MARCHF1: variants seen among roughly 807,000 people sequenced by gnomAD.
MARCHF1 encodes membrane associated ring-CH-type finger 1, also known as E3 ubiquitin-protein ligase MARCHF1.
A neutral mutation model predicts 54.2 loss-of-function variants in MARCHF1; 40 were observed. The observed-to-expected ratio is 0.74, with a 90% CI of 0.57 to 0.96. MARCHF1 has a LOEUF of 0.96. MARCHF1 is among the 40% of genes least tolerant of loss of function. The pLI, the probability that MARCHF1 is intolerant of heterozygous loss-of-function variation, is 0.00. For synonymous variants in MARCHF1, 236 were observed against 236.3 expected, an observed-to-expected ratio of 1.00 and a Z score of 0.01; for missense variants, 586 against 656.5, an observed-to-expected ratio of 0.89 and a Z score of 1.17.
At position 164,199,671 on chromosome 4, in the gene MARCHF1, CACACACACACAG is replaced by C. The variant is rs1196924485; in HGVS notation, c.-322-88021_-322-88010del. 2.6e-3 allele frequency among the ~76,000 whole-genome samples: 150 copies of C among 56,724 alleles called. 1 individual carries two copies. Among genetic ancestry groups the C allele is most frequent in the African/African-American group, 0.013 (138 of 10,568 alleles). The allele number at this position is 56,724 out of a possible 152,430, so 37.2% of individuals were successfully genotyped here. A position where few individuals can be genotyped will look rare whatever the true frequency, so the allele number is the denominator to read the frequency against. ...ACACACACACACACACACACACACA[CACACACACACAG>C]AGAGAGAGAGAGAGAGAGAGAGAGA... On this transcript the variant is annotated intron_variant, in intron 1 of 9. Transcript: ENST00000514618.
At chr4:164,196,969 T>G in intron 1 of MARCHF1, 1 of 1,601,616 alleles carries the variant, frequency 6.2e-7, no homozygotes, top group Non-Finnish European at 8.5e-7. Context: ...AATAGGTTAT[T>G]CTACTTAGTC....
At chr4:163,885,756 T>G (rs1279662211) in intron 3 of MARCHF1, among the ~76,000 whole-genome samples, 1 of 151,916 alleles carries the variant, frequency 6.6e-6, no homozygotes, top group Non-Finnish European at 1.5e-5. Flanking sequence ...TGGCTTATTA[T>G]ATGTAATTAT....
intron 4 of MARCHF1, among the ~76,000 whole-genome samples, chr4:163,713,034 T>C (rs1282641493): frequency 2.0e-5 from 3 of 152,158 alleles, no homozygotes; most frequent in African/African-American, 7.2e-5. Context: ...TAGCTTCGAC[T>C]CATCTCCTTT....
At chr4:163,536,962 AG>A (rs1210414442) in intron 9 of MARCHF1, among the ~76,000 whole-genome samples, 1 of 152,176 alleles carries the variant, frequency 6.6e-6, no homozygotes, top group African/African-American at 2.4e-5. Context: ...AAGCCATCTG[AG>A]TACAAACTTA....
At chr4:163,765,187 T>A (rs1273923764) in intron 4 of MARCHF1, among the ~76,000 whole-genome samples, 1 of 152,112 alleles carries the variant, frequency 6.6e-6, no homozygotes, top group Non-Finnish European at 1.5e-5. Context: ...GTTTCATTGA[T>A]TGTTAGAATT....
chr4:163,901,957 C>T (rs1366707761), intron 3 of MARCHF1, among the ~76,000 whole-genome samples: 1 of 152,128 alleles, frequency 6.6e-6, no homozygotes, highest in Non-Finnish European at 1.5e-5. Context: ...AATTATACCA[C>T]AGCATTTAAG....
chr4:164,347,282 T>G (rs112282819), intron 1 of MARCHF1, among the ~76,000 whole-genome samples: 1 of 152,174 alleles, frequency 6.6e-6, no homozygotes, highest in Non-Finnish European at 1.5e-5. Context: ...TTGTCAGAGG[T>G]GCCAGATTTT....
At chr4:164,315,358 T>C (rs1260076836) in intron 1 of MARCHF1, among the ~76,000 whole-genome samples, 2 of 152,106 alleles carry the variant, frequency 1.3e-5, no homozygotes, top group Middle Eastern at 3.4e-3. Flanking sequence ...CAAACCACTA[T>C]GGAAACACGG....
At chr4:163,974,900 A>T (rs1367105095) in intron 3 of MARCHF1, among the ~76,000 whole-genome samples, 1 of 152,214 alleles carries the variant, frequency 6.6e-6, no homozygotes, top group Non-Finnish European at 1.5e-5. Flanking sequence ...CACTTCACTA[A>T]TATGAGTGGC....
At chr4:163,798,925 G>A (rs56347722) in intron 4 of MARCHF1, among the ~76,000 whole-genome samples, 5,779 of 152,008 alleles carry the variant, frequency 0.038, 161 homozygotes, top group South Asian at 0.074. Flanking sequence ...GCGCATGCCC[G>A]GCACTGTCCA....
chr4:164,017,328 A>G (rs1177477897), intron 2 of MARCHF1, among the ~76,000 whole-genome samples: 1 of 152,122 alleles, frequency 6.6e-6, no homozygotes, highest in Admixed American at 6.5e-5. Flanking sequence ...AAGGCAAGAA[A>G]GGAAGTAAAA....
In MARCHF1 at chr4:164,349,233, T is replaced by C. The variant is rs557146237; in HGVS notation, c.-323+34637A>G. Among the ~76,000 whole-genome samples, 4 of 152,268 alleles carry C rather than the reference T, an allele frequency of 2.6e-5. No individual in the cohort carries two copies. The South Asian group carries it at 8.3e-4, about 32-fold the overall frequency. ...GTATATCCTCTTAAAACGACACAAA[T>C]GAATTGAAAGTTAATTCTACTTCTC... On this transcript the variant is annotated intron_variant, in intron 1 of 9. Transcript: ENST00000514618.
intron 5 of MARCHF1, among the ~76,000 whole-genome samples, chr4:163,662,058 G>T (rs1743361872): frequency 6.6e-6 from 1 of 151,974 alleles, no homozygotes; most frequent in South Asian, 2.1e-4. Flanking sequence ...TTGATTCTTG[G>T]AATAAAATCT....
intron 1 of MARCHF1, among the ~76,000 whole-genome samples, chr4:164,191,606 TAATC>T (rs1316410696): frequency 1.3e-5 from 2 of 152,208 alleles, no homozygotes; most frequent in African/African-American, 4.8e-5. Flanking sequence ...ATTATGGCGT[TAATC>T]AAGTTTGTAC....
chr4:163,808,181 C>A (rs1195775323), intron 4 of MARCHF1, among the ~76,000 whole-genome samples: 1 of 152,196 alleles, frequency 6.6e-6, no homozygotes, highest in East Asian at 1.9e-4. Flanking sequence ...CCCCAGCTAA[C>A]CAAAACCCAA....
intron 1 of MARCHF1, among the ~76,000 whole-genome samples, chr4:164,114,423 T>C (rs938770569): frequency 1.3e-5 from 2 of 151,806 alleles, no homozygotes; most frequent in African/African-American, 4.8e-5. Flanking sequence ...ATAAACACAA[T>C]TAGCATTTAC....
At chr4:163,727,586 T>C (rs1745699706) in intron 4 of MARCHF1, among the ~76,000 whole-genome samples, 1 of 151,526 alleles carries the variant, frequency 6.6e-6, no homozygotes, top group Non-Finnish European at 1.5e-5. Context: ...ATTACAGGCG[T>C]GAGCCAACGC....
chr4:163,876,048 G>A (rs1422487453), intron 3 of MARCHF1, among the ~76,000 whole-genome samples: 2 of 152,122 alleles, frequency 1.3e-5, no homozygotes, highest in Non-Finnish European at 2.9e-5. Flanking sequence ...TATTTGATTT[G>A]TAGACACAAT....
At chr4:163,937,923 T>C (rs1181744714) in intron 3 of MARCHF1, among the ~76,000 whole-genome samples, 1 of 152,146 alleles carries the variant, frequency 6.6e-6, no homozygotes, top group Non-Finnish European at 1.5e-5. Flanking sequence ...CCTCCACCCC[T>C]TGATTCCCAG....
Sources: gnomAD v4.1 joint callset for allele counts (sites outside exome capture counted in the v4.1 genomes callset) on GRCh38, gnomAD v4.1.1 for gene constraint, MANE v1.5 for transcripts, NCBI Gene and HGNC (gene_info 2026-07-23, HGNC 2026-07-21) for gene names.